KCNH7: variants seen among roughly 807,000 people sequenced by gnomAD.
KCNH7 encodes the protein voltage-gated inwardly rectifying potassium channel KCNH7.
A neutral mutation model predicts 120.8 loss-of-function variants in KCNH7; 49 were observed. The observed-to-expected ratio is 0.41, with a 90% CI of 0.32 to 0.51. The LOEUF is 0.51. Ranked by LOEUF, KCNH7 falls within the 20% of genes least tolerant of loss-of-function variation. The pLI, the probability that KCNH7 is intolerant of heterozygous loss-of-function variation, is 0.38. For missense variants in KCNH7, 1,097 were observed against 1,446.6 expected (o/e 0.76, Z 3.92); for synonymous variants, 547 against 516.1 (o/e 1.06, Z -0.81).
At chr2:162,724,770 A>G (rs960052180) in intron 2 of KCNH7, among the ~76,000 whole-genome samples, 5 of 152,178 alleles carry the variant, frequency 3.3e-5, no homozygotes, top group Middle Eastern at 3.4e-3. Context: ...ATACCCACCT[A>G]TTTTCAAACC....
In KCNH7 at chr2:162,373,485, G is replaced by C. The variant is rs199645364; in HGVS notation, c.3309C>G (p.Phe1103Leu). The C allele has an allele frequency of 2.6e-6, 4 of 1,542,788 alleles. No individual in the cohort carries two copies. The highest frequency in any genetic ancestry group is 3.5e-6 in the Non-Finnish European group (4 of 1,143,328). Residue 1103 changes from phenylalanine (F) to leucine (L), a missense_variant, in exon 15 of 16, where the codon TTC (phenylalanine) becomes TTG (leucine). By Grantham distance (22) the Phe-to-Leu change is conservative. Around this residue, in one of 8 missense-constraint regions of KCNH7, gnomAD observed 406 missense variants for 410.5 expected, o/e 0.99. Coordinates refer to ENST00000332142, the MANE Select transcript of KCNH7 (RefSeq NM_033272.4). Reference protein sequence around the residue: ...PEASIKTDRSFSPSSQCPEFL... With the variant: ...PEASIKTDRSLSPSSQCPEFL... ...CCACACTTACTTGTGAGGAAGGGCT[G>C]AAACTTCGGTCAGTTTTGATGGATG... is the stretch of plus-strand genomic sequence containing the variant.
At chr2:162,658,669 C>T (rs1459008027) in intron 2 of KCNH7, among the ~76,000 whole-genome samples, 1 of 152,006 alleles carries the variant, frequency 6.6e-6, no homozygotes, top group African/African-American at 2.4e-5. Context: ...TATAGTTTTC[C>T]TCATGTAGAG....
At chr2:162,583,223 C>G (rs1188949088) in intron 2 of KCNH7, among the ~76,000 whole-genome samples, 3 of 151,920 alleles carry the variant, frequency 2.0e-5, no homozygotes, top group African/African-American at 7.2e-5. Flanking sequence ...GGTAGGTGAG[C>G]AGATGGTTAG....
chr2:162,629,447 G>A (rs1024849051), intron 2 of KCNH7, among the ~76,000 whole-genome samples: 1 of 150,922 alleles, frequency 6.6e-6, no homozygotes, highest in African/African-American at 2.4e-5. Flanking sequence ...TAGATGCAAT[G>A]AAGTGGGCTA....
chr2:162,450,168 T>C (rs1293603924), intron 6 of KCNH7, among the ~76,000 whole-genome samples: 2 of 152,104 alleles, frequency 1.3e-5, no homozygotes, highest in Non-Finnish European at 2.9e-5. Flanking sequence ...TTAAATGGTG[T>C]TACTTGAAAA....
chr2:162,616,912 T>C (rs1482634336), intron 2 of KCNH7, among the ~76,000 whole-genome samples: 1 of 152,216 alleles, frequency 6.6e-6, no homozygotes. Context: ...GAGCCTTCAG[T>C]CATCCCATTT....
At chr2:162,583,198 T>C (rs964338946) in intron 2 of KCNH7, among the ~76,000 whole-genome samples, 1 of 152,054 alleles carries the variant, frequency 6.6e-6, no homozygotes, top group African/African-American at 2.4e-5. Context: ...TTTATCAGAA[T>C]CTACAGATAC....
intron 2 of KCNH7, among the ~76,000 whole-genome samples, chr2:162,541,840 A>T (rs1692314191): frequency 6.6e-6 from 1 of 152,094 alleles, no homozygotes; most frequent in African/African-American, 2.4e-5. Flanking sequence ...TGTACCCCTG[A>T]ACTTAAAATA....
intron 4 of KCNH7, among the ~76,000 whole-genome samples, chr2:162,517,261 G>A (rs1051296877): frequency 4.6e-5 from 7 of 151,540 alleles, no homozygotes; most frequent in Admixed American, 4.6e-4. Context: ...TTGCACCCCT[G>A]TCAGCTTACA....
chr2:162,711,363 A>C (rs77096512), intron 2 of KCNH7, among the ~76,000 whole-genome samples: 2,324 of 152,338 alleles, frequency 0.015, 54 homozygotes, highest in African/African-American at 0.053. Flanking sequence ...CCAGGAAGGC[A>C]CTTGAAAACA....
chr2:162,489,197 C>T (rs947184504), intron 6 of KCNH7, among the ~76,000 whole-genome samples: 7 of 152,150 alleles, frequency 4.6e-5, no homozygotes, highest in Non-Finnish European at 8.8e-5. Flanking sequence ...TTATTATATA[C>T]GTAGCATACA....
chr2:162,387,021 T>A (rs943596833), intron 12 of KCNH7, among the ~76,000 whole-genome samples: 6 of 151,138 alleles, frequency 4.0e-5, no homozygotes, highest in African/African-American at 1.5e-4. Context: ...TTCATATACA[T>A]AGGACAGAAT....
chr2:162,390,987 C>G (rs576383249), intron 12 of KCNH7, among the ~76,000 whole-genome samples: 1 of 151,870 alleles, frequency 6.6e-6, no homozygotes, highest in East Asian at 1.9e-4. Flanking sequence ...GAGTGGCAGG[C>G]GGCAGGTGTG....
chr2:162,438,820 G>T (rs1185664079), intron 7 of KCNH7, among the ~76,000 whole-genome samples: 2 of 152,064 alleles, frequency 1.3e-5, no homozygotes, highest in Non-Finnish European at 2.9e-5. Context: ...ACTCTTTCCT[G>T]CTTATTATTT....
At chr2:162,396,967 G>C (rs1177106873) in intron 10 of KCNH7, 22 bp from the exon 11 acceptor site, 1 of 1,533,824 alleles carries the variant, frequency 6.5e-7, no homozygotes, top group Non-Finnish European at 9.0e-7. Flanking sequence ...TAAAGAAAAA[G>C]AGGCGGGGAA....
At chr2:162,547,301 T>C in intron 2 of KCNH7, among the ~76,000 whole-genome samples, 1 of 152,050 alleles carries the variant, frequency 6.6e-6, no homozygotes, top group East Asian at 1.9e-4. Flanking sequence ...AGAATCATAG[T>C]TTCAAGCTGG....
At chr2:162,567,684 G>A (rs1693305909) in intron 2 of KCNH7, among the ~76,000 whole-genome samples, 4 of 151,956 alleles carry the variant, frequency 2.6e-5, no homozygotes, top group Admixed American at 2.6e-4. Context: ...GGCTAGAATA[G>A]TGCCTGGCAC....
At chr2:162,434,498 C>T (rs925618178) in intron 8 of KCNH7, among the ~76,000 whole-genome samples, 9 of 151,968 alleles carry the variant, frequency 5.9e-5, no homozygotes, top group African/African-American at 1.7e-4. Context: ...TCAGTGGCTC[C>T]GCAGCGTTAT....
chr2:162,384,582 A>G (rs1025463248), intron 13 of KCNH7, 106 bp downstream of exon 13: 1 of 1,100,408 alleles, frequency 9.1e-7, no homozygotes, highest in Non-Finnish European at 1.3e-6. Context: ...CATGAAGTTG[A>G]GAACAATTAG....
Sources: allele counts gnomAD v4.1 joint callset (sites outside exome capture counted in the v4.1 genomes callset), GRCh38; gene constraint gnomAD v4.1.1; regional missense constraint gnomAD v4.1.1; transcripts MANE v1.5; gene names NCBI Gene and HGNC (gene_info 2026-07-23, HGNC 2026-07-21).